The following KCNH8 variants were observed in gnomAD, a reference collection of about 807,000 sequenced individuals.
The protein encoded by KCNH8 is potassium voltage-gated channel subfamily H member 8, also known as voltage-gated delayed rectifier potassium channel KCNH8.
A neutral mutation model predicts 103.6 loss-of-function variants in KCNH8; 70 were observed. That is an observed-to-expected ratio of 0.68 (90% CI 0.56 to 0.82). The LOEUF is 0.82. Among genes scored for constraint, KCNH8 ranks in the 40% least tolerant of loss-of-function variants. The pLI is 0.00. For missense variants in KCNH8, 1,217 were observed against 1,329.9 expected (o/e 0.92, Z 1.32); for synonymous variants, 498 against 489.4 (o/e 1.02, Z -0.23).
At chr3:19,301,817 G>A (rs867000165) in intron 3 of KCNH8, among the ~76,000 whole-genome samples, 8 of 152,302 alleles carry the variant, frequency 5.3e-5, no homozygotes, top group Middle Eastern at 3.4e-3. Context: ...AACACCCTCT[G>A]AAGGTTTGAT....
chr3:19,270,119 G>A (rs2064567416), intron 2 of KCNH8, among the ~76,000 whole-genome samples: 1 of 152,144 alleles, frequency 6.6e-6, no homozygotes, highest in African/African-American at 2.4e-5. Context: ...CCTGTATCTG[G>A]CAGGATGCCT....
rs1024833976 is a variant in KCNH8 at position 19,410,912 on chromosome 3, T to A, written c.1177+15601T>A. ...AAAAAAAAGCCCTGGACCAGATGAG[T>A]TTACCACTGAATAATACCAGAAGTA... On this transcript the variant is annotated intron_variant, in intron 7 of 15. Coordinates refer to ENST00000328405, the MANE Select transcript of KCNH8 (RefSeq NM_144633.3). 2.7e-4 allele frequency among the ~76,000 whole-genome samples: 40 copies of A among 145,498 alleles called. 2 individuals carry two copies. The highest frequency in any genetic ancestry group is 8.4e-4 in the African/African-American group (33 of 39,278).
chr3:19,450,737 T>G, intron 9 of KCNH8: 2 of 276,526 alleles, frequency 7.2e-6, no homozygotes, highest in South Asian at 7.9e-5. Context: ...CAGTATTATA[T>G]AAATCAACGA....
At chr3:19,261,885 C>G (rs951463300) in intron 2 of KCNH8, among the ~76,000 whole-genome samples, 2 of 151,576 alleles carry the variant, frequency 1.3e-5, no homozygotes, top group African/African-American at 4.8e-5. Flanking sequence ...CCTCTTGTGT[C>G]TTTTTGATGT....
intron 1 of KCNH8, among the ~76,000 whole-genome samples, chr3:19,244,069 T>C (rs929327381): frequency 6.6e-6 from 1 of 152,152 alleles, no homozygotes; most frequent in Admixed American, 6.5e-5. Flanking sequence ...TAAAAGAAGT[T>C]TTTTAAAAGG....
intron 1 of KCNH8, among the ~76,000 whole-genome samples, chr3:19,247,628 T>C (rs866411823): frequency 3.3e-5 from 5 of 152,326 alleles, no homozygotes; most frequent in Middle Eastern, 6.8e-3. Context: ...TTACTATGAG[T>C]ACTTGCTAAC....
intron 10 of KCNH8, among the ~76,000 whole-genome samples, chr3:19,455,929 T>G (rs1052680583): frequency 2.0e-5 from 3 of 152,020 alleles, no homozygotes; most frequent in Non-Finnish European, 4.4e-5. Context: ...TATACAAAAT[T>G]TAAAAATTTG....
At chr3:19,211,248 C>CA (rs1489292559) in intron 1 of KCNH8, among the ~76,000 whole-genome samples, 1 of 152,080 alleles carries the variant, frequency 6.6e-6, no homozygotes, top group Non-Finnish European at 1.5e-5. Context: ...GTATGACAGT[C>CA]AAAGAACAGA....
intron 7 of KCNH8, among the ~76,000 whole-genome samples, chr3:19,419,195 G>GTTTTTTTTTTT (rs1559318835): frequency 3.0e-4 from 38 of 128,722 alleles, no homozygotes; most frequent in African/African-American, 1.1e-3. Context: ...AATGGTTTTG[G>GTTTTTTTTTTT]TTTTTTTTTT....
intron 3 of KCNH8, among the ~76,000 whole-genome samples, chr3:19,317,068 T>C (rs2065284154): frequency 6.6e-6 from 1 of 151,960 alleles, no homozygotes; most frequent in Non-Finnish European, 1.5e-5. Context: ...TCTGTTCTAT[T>C]CTTTCACACT....
At chr3:19,487,448 G>A (rs1254919310) in intron 11 of KCNH8, among the ~76,000 whole-genome samples, 1 of 152,136 alleles carries the variant, frequency 6.6e-6, no homozygotes. Flanking sequence ...AGACTGGCAA[G>A]GAACTATAGT....
chr3:19,506,920 T>C (rs2068703804), intron 11 of KCNH8, among the ~76,000 whole-genome samples: 2 of 152,132 alleles, frequency 1.3e-5, no homozygotes, highest in Non-Finnish European at 2.9e-5. Flanking sequence ...TGCAGCTTCC[T>C]AGAAGTGTGG....
At chr3:19,476,067 C>T (rs1277395813) in intron 11 of KCNH8, among the ~76,000 whole-genome samples, 1 of 152,118 alleles carries the variant, frequency 6.6e-6, no homozygotes, top group African/African-American at 2.4e-5. Context: ...ATGAATAATT[C>T]TTCAATCTTA....
chr3:19,250,628 A>T (rs182021871), intron 1 of KCNH8, among the ~76,000 whole-genome samples: 1 of 152,276 alleles, frequency 6.6e-6, no homozygotes, highest in East Asian at 1.9e-4. Flanking sequence ...TGCTTCTAAC[A>T]TTCTAGGACT....
At chr3:19,512,681 T>C (rs1186182404) in intron 12 of KCNH8, among the ~76,000 whole-genome samples, 1 of 152,086 alleles carries the variant, frequency 6.6e-6, no homozygotes, top group Non-Finnish European at 1.5e-5. Context: ...CCTGGTATAA[T>C]GCACCTTTCA....
chr3:19,336,870 A>G (rs2065591545), intron 3 of KCNH8, among the ~76,000 whole-genome samples: 1 of 152,012 alleles, frequency 6.6e-6, no homozygotes, highest in Non-Finnish European at 1.5e-5. Context: ...AAAAGTAGGG[A>G]TATGAGAGAA....
At chr3:19,376,809 C>G (rs1464861972) in intron 5 of KCNH8, among the ~76,000 whole-genome samples, 1 of 152,072 alleles carries the variant, frequency 6.6e-6, no homozygotes, top group Admixed American at 6.5e-5. Context: ...TGGAGTGGAA[C>G]AAAAGTTTGG....
At chr3:19,376,179 C>T (rs1319541431) in intron 5 of KCNH8, among the ~76,000 whole-genome samples, 2 of 152,220 alleles carry the variant, frequency 1.3e-5, no homozygotes, top group African/African-American at 4.8e-5. Context: ...TGGGCAATGG[C>T]GGGCGCCCCT....
intron 11 of KCNH8, among the ~76,000 whole-genome samples, chr3:19,487,719 C>T (rs2068239823): frequency 6.6e-6 from 1 of 152,106 alleles, no homozygotes; most frequent in African/African-American, 2.4e-5. Flanking sequence ...ACCGTAAGGG[C>T]CATGATAACT....
Sources: allele counts gnomAD v4.1 joint callset (sites outside exome capture counted in the v4.1 genomes callset), GRCh38; gene constraint gnomAD v4.1.1; transcripts MANE v1.5; gene names NCBI Gene and HGNC (gene_info 2026-07-23, HGNC 2026-07-21).